Variants in FMN1 observed in about 807,000 individuals in gnomAD.
FMN1 encodes the protein formin 1, also known as formin-1.
In FMN1, 110 loss-of-function variants were observed where a neutral mutation model predicts 132.4. That is an observed-to-expected ratio of 0.83 (90% CI 0.71 to 0.97). The LOEUF (loss-of-function observed/expected upper bound fraction) is 0.97, where lower values mean the gene tolerates loss of function less well. FMN1 is among the 50% of genes least tolerant of loss of function. The pLI, the probability that FMN1 is intolerant of heterozygous loss-of-function variation, is 0.00. For synonymous variants in FMN1, 722 were observed against 651.7 expected, an observed-to-expected ratio of 1.11 and a Z score of -1.64; for missense variants, 1,792 against 1,705.3, an observed-to-expected ratio of 1.05 and a Z score of -0.90.
At chr15:33,112,964 A>G (rs2039769383) in intron 4 of FMN1, among the ~76,000 whole-genome samples, 3 of 152,330 alleles carry the variant, frequency 2.0e-5, no homozygotes, top group African/African-American at 7.2e-5. Context: ...GGGAAAGTCT[A>G]AGAGAACCTT....
At chr15:32,960,273 G>A (rs2140563294) in intron 9 of FMN1, among the ~76,000 whole-genome samples, 1 of 152,180 alleles carries the variant, frequency 6.6e-6, no homozygotes, top group East Asian at 1.9e-4. Flanking sequence ...AGAAACTTAT[G>A]GAACAACCAA....
chr15:33,171,359 T>A (rs749831788), intron 3 of FMN1, among the ~76,000 whole-genome samples: 23 of 151,960 alleles, frequency 1.5e-4, no homozygotes, highest in Non-Finnish European at 1.2e-4. Flanking sequence ...GAAGAGAAGA[T>A]CTGAAATGTT....
intron 4 of FMN1, among the ~76,000 whole-genome samples, chr15:33,096,108 G>A (rs2039075766): frequency 6.6e-6 from 1 of 151,848 alleles, no homozygotes; most frequent in Non-Finnish European, 1.5e-5. Context: ...GCAACATAGT[G>A]AGAATGAAAG....
intron 17 of FMN1, among the ~76,000 whole-genome samples, chr15:32,812,107 T>C (rs1296856679): frequency 6.6e-6 from 1 of 152,182 alleles, no homozygotes; most frequent in Non-Finnish European, 1.5e-5. Context: ...ACCAGGGTCC[T>C]TCATCTGAAC....
chr15:33,090,428 T>C (rs1381669450), intron 4 of FMN1, among the ~76,000 whole-genome samples: 6 of 152,140 alleles, frequency 3.9e-5, no homozygotes, highest in Non-Finnish European at 8.8e-5. Flanking sequence ...TTTGCCTGTT[T>C]GGTTTATTAG....
At chr15:32,920,822 C>T (rs2140320160) in intron 10 of FMN1, among the ~76,000 whole-genome samples, 1 of 152,328 alleles carries the variant, frequency 6.6e-6, no homozygotes, top group Non-Finnish European at 1.5e-5. Context: ...ATTCTCTCTC[C>T]AAATATCCCT....
intron 16 of FMN1, among the ~76,000 whole-genome samples, chr15:32,863,169 C>A (rs1049018849): frequency 6.6e-6 from 1 of 152,188 alleles, no homozygotes; most frequent in African/African-American, 2.4e-5. Flanking sequence ...TTCGGCTAGG[C>A]GCGGTGGCTC....
chr15:32,796,617 T>C (rs925156701), intron 19 of FMN1, among the ~76,000 whole-genome samples: 6 of 152,212 alleles, frequency 3.9e-5, no homozygotes, highest in South Asian at 2.1e-4. Flanking sequence ...CCTCATTTAA[T>C]AGAAAAATTC....
chr15:33,122,073 G>T (rs1456015791), intron 4 of FMN1, among the ~76,000 whole-genome samples: 1 of 152,138 alleles, frequency 6.6e-6, no homozygotes, highest in Non-Finnish European at 1.5e-5. Flanking sequence ...GACAAATAAA[G>T]AATACTACTC....
At chr15:32,913,957 C>G (rs563996765) in intron 10 of FMN1, among the ~76,000 whole-genome samples, 21 of 152,270 alleles carry the variant, frequency 1.4e-4, no homozygotes, top group African/African-American at 4.8e-4. Flanking sequence ...GGGGCACAGC[C>G]TTATAAGGCA....
At position 33,149,695 on chromosome 15, in the gene FMN1, C is replaced by A. The variant is rs73380681; in HGVS notation, c.1867+3353G>T. Reference sequence around the variant, plus strand: ...TGATGCAATTTTTGAGTCCTATTTTCCCTCCATTAATTTTAGATAATTTTC... The same window carrying A: ...TGATGCAATTTTTGAGTCCTATTTTACCTCCATTAATTTTAGATAATTTTC... On this transcript the variant is annotated intron_variant, in intron 4 of 20. Coordinates refer to ENST00000616417, the MANE Select transcript of FMN1 (RefSeq NM_001277313.2). 8,370 of 749,706 alleles carry A rather than the reference C, an allele frequency of 0.011. 622 individuals are homozygous for A. The African/African-American group carries it at 0.15, about 14-fold the overall frequency. 46.4% of individuals were successfully genotyped at this position (749,706 alleles called of 1,614,324 possible).
At chr15:32,850,324 C>T (rs2058980403) in intron 17 of FMN1, among the ~76,000 whole-genome samples, 1 of 151,610 alleles carries the variant, frequency 6.6e-6, no homozygotes, top group Admixed American at 6.6e-5. Context: ...ATAACCTGCT[C>T]TTATTTTGCA....
chr15:33,107,114 A>T (rs946399723), intron 4 of FMN1, among the ~76,000 whole-genome samples: 2 of 151,966 alleles, frequency 1.3e-5, no homozygotes, highest in Admixed American at 1.3e-4. Flanking sequence ...TCAGTTTCTA[A>T]GATTAAAACC....
intron 13 of FMN1, among the ~76,000 whole-genome samples, chr15:32,900,845 CCTTT>C (rs1297778031): frequency 6.6e-6 from 1 of 151,964 alleles, no homozygotes; most frequent in African/African-American, 2.4e-5. Flanking sequence ...ATTTTATCCC[CCTTT>C]ATTTCAGGGT....
chr15:33,021,577 T>C (rs2035418937), intron 6 of FMN1, among the ~76,000 whole-genome samples: 1 of 152,080 alleles, frequency 6.6e-6, no homozygotes, highest in African/African-American at 2.4e-5. Flanking sequence ...TCTGGGATGA[T>C]GATATAAAAG....
intron 7 of FMN1, among the ~76,000 whole-genome samples, chr15:32,984,516 G>A (rs1596398617): frequency 6.6e-6 from 1 of 152,110 alleles, no homozygotes; most frequent in Non-Finnish European, 1.5e-5. Context: ...TTCATGGGGA[G>A]AGAAAGAAAC....
At chr15:33,021,647 G>T (rs1048995929) in intron 6 of FMN1, among the ~76,000 whole-genome samples, 2 of 152,148 alleles carry the variant, frequency 1.3e-5, no homozygotes, top group African/African-American at 4.8e-5. Flanking sequence ...TATTGAAAAG[G>T]TATGTATTCA....
chr15:33,051,493 G>A (rs1431363971), intron 6 of FMN1, among the ~76,000 whole-genome samples: 3 of 43,164 alleles, frequency 7.0e-5, no homozygotes, highest in Non-Finnish European at 2.0e-4. Flanking sequence ...GGTTGTGACA[G>A]TGCCGCTCTA....
intron 6 of FMN1, among the ~76,000 whole-genome samples, chr15:33,048,639 A>AAACAAAAC: frequency 7.9e-6 from 1 of 127,022 alleles, no homozygotes; most frequent in African/African-American, 2.8e-5. Context: ...ACCAAAAAAA[A>AAACAAAAC]AAAAAAAAAA....
Sources: allele counts gnomAD v4.1 joint callset (sites outside exome capture counted in the v4.1 genomes callset), GRCh38; gene constraint gnomAD v4.1.1; transcripts MANE v1.5; gene names NCBI Gene and HGNC (gene_info 2026-07-23, HGNC 2026-07-21).